Variants in LUZP2 observed in about 807,000 individuals in gnomAD.
LUZP2 encodes the protein leucine zipper protein 2.
A neutral mutation model predicts 51.6 loss-of-function variants in LUZP2; 52 were observed. That is an observed-to-expected ratio of 1.01 (90% CI 0.81 to 1.27). The LOEUF (loss-of-function observed/expected upper bound fraction) is 1.27. Among genes scored for constraint, LUZP2 ranks in the 50% most tolerant of loss-of-function variants. LUZP2 has a pLI of 0.00. For missense variants in LUZP2, 436 were observed against 395.4 expected (o/e 1.10, Z -0.87); for synonymous variants, 154 against 137.3 (o/e 1.12, Z -0.85).
chr11:24,896,163 T>C (rs1853038143), intron 5 of LUZP2, among the ~76,000 whole-genome samples: 1 of 152,248 alleles, frequency 6.6e-6, no homozygotes, highest in South Asian at 2.1e-4. Flanking sequence ...CGGTTCCTCC[T>C]CGTCCTAGGC....
intron 5 of LUZP2, among the ~76,000 whole-genome samples, chr11:24,822,964 A>G (rs549640103): frequency 3.9e-4 from 59 of 152,326 alleles, no homozygotes; most frequent in African/African-American, 1.3e-3. Context: ...GCACAAATGT[A>G]GTAATAATCA....
In LUZP2 at chr11:25,081,568, A is replaced by G. The variant is rs1565323164; in HGVS notation, c.*2910A>G. 6.6e-6 allele frequency: 1 copy of G among 152,178 alleles called. No individual in the cohort carries two copies. The highest frequency in any genetic ancestry group is 2.1e-4 in the South Asian group (1 of 4,828). 9.4% of individuals were successfully genotyped at this position (152,178 alleles called of 1,614,324 possible). A position where few individuals can be genotyped will look rare whatever the true frequency, so the allele number is the denominator to read the frequency against. On this transcript the variant is annotated 3_prime_UTR_variant, in exon 12 of 12. Transcript: ENST00000336930. The stretch of plus-strand genomic sequence containing the variant: ...TTTATCTCAATTTTTATTTGCTTCA[A>G]AATAGAATCGGATAAGTTTAAAATG...
chr11:24,663,493 G>A (rs1168219626), intron 1 of LUZP2, among the ~76,000 whole-genome samples: 1 of 152,170 alleles, frequency 6.6e-6, no homozygotes, highest in Non-Finnish European at 1.5e-5. Context: ...TTATAGCAGT[G>A]TGAGAATGAC....
intron 7 of LUZP2, among the ~76,000 whole-genome samples, chr11:24,959,297 C>A (rs543889136): frequency 2.8e-3 from 426 of 152,182 alleles, no homozygotes; most frequent in Non-Finnish European, 4.9e-3. Context: ...TGAAGAAAGT[C>A]ATTGGTAGCT....
chr11:24,778,316 G>T (rs1308416478), intron 5 of LUZP2, among the ~76,000 whole-genome samples: 2 of 152,170 alleles, frequency 1.3e-5, no homozygotes. Flanking sequence ...TTCAGAGGCT[G>T]AGGTGAAGGG....
chr11:24,537,198 A>G (rs1450935432), intron 1 of LUZP2, among the ~76,000 whole-genome samples: 8 of 151,896 alleles, frequency 5.3e-5, no homozygotes, highest in Admixed American at 2.0e-4. Flanking sequence ...GTGTGACACA[A>G]ACAGAAGTGA....
chr11:25,042,868 C>T (rs889250829), intron 9 of LUZP2, among the ~76,000 whole-genome samples: 17 of 152,228 alleles, frequency 1.1e-4, no homozygotes, highest in African/African-American at 3.6e-4. Flanking sequence ...AATCCAGGAT[C>T]CTATGGAGTG....
At chr11:24,787,234 T>A (rs1345300300) in intron 5 of LUZP2, among the ~76,000 whole-genome samples, 2 of 152,164 alleles carry the variant, frequency 1.3e-5, no homozygotes, top group Non-Finnish European at 2.9e-5. Context: ...GAAGTATCAG[T>A]TGTGTTGTGC....
intron 10 of LUZP2, among the ~76,000 whole-genome samples, chr11:25,054,377 C>T (rs1858614683): frequency 6.6e-6 from 1 of 152,046 alleles, no homozygotes; most frequent in South Asian, 2.1e-4. Context: ...TTTGATATAT[C>T]TAAAGAATTA....
At chr11:24,823,832 G>T (rs1257800505) in intron 5 of LUZP2, among the ~76,000 whole-genome samples, 3 of 152,184 alleles carry the variant, frequency 2.0e-5, no homozygotes, top group African/African-American at 7.2e-5. Context: ...GGGAGGCTGA[G>T]ACGGGTGGAT....
At chr11:24,969,541 C>T (rs1309450400) in intron 7 of LUZP2, among the ~76,000 whole-genome samples, 1 of 151,988 alleles carries the variant, frequency 6.6e-6, no homozygotes, top group Non-Finnish European at 1.5e-5. Context: ...TGAGTTTAGG[C>T]CTAAACATCT....
At chr11:24,603,950 TG>T (rs1347776638) in intron 1 of LUZP2, among the ~76,000 whole-genome samples, 1 of 151,794 alleles carries the variant, frequency 6.6e-6, no homozygotes, top group Non-Finnish European at 1.5e-5. Context: ...TCTTCAGGCC[TG>T]AGTTTTAAAA....
intron 1 of LUZP2, among the ~76,000 whole-genome samples, chr11:24,582,495 C>A (rs142672265): frequency 8.6e-5 from 13 of 151,858 alleles, no homozygotes; most frequent in African/African-American, 2.9e-4. Context: ...ATTAGACTAA[C>A]CAAAATATCT....
At chr11:24,919,524 T>C (rs1360078238) in intron 7 of LUZP2, among the ~76,000 whole-genome samples, 1 of 140,698 alleles carries the variant, frequency 7.1e-6, no homozygotes, top group Non-Finnish European at 1.5e-5. Flanking sequence ...TATATATTCT[T>C]TATATATATA....
At chr11:25,016,652 A>G (rs958041408) in intron 9 of LUZP2, among the ~76,000 whole-genome samples, 2 of 151,552 alleles carry the variant, frequency 1.3e-5, no homozygotes, top group African/African-American at 4.8e-5. Context: ...TGTGTACCAC[A>G]TTTTCTTTAT....
At chr11:24,933,144 C>G (rs1854501839) in intron 7 of LUZP2, among the ~76,000 whole-genome samples, 2 of 152,206 alleles carry the variant, frequency 1.3e-5, no homozygotes, top group African/African-American at 4.8e-5. Context: ...TTCACACTTT[C>G]ACACTTTCGG....
intron 1 of LUZP2, among the ~76,000 whole-genome samples, chr11:24,576,459 C>T (rs910464685): frequency 3.4e-5 from 5 of 148,616 alleles, no homozygotes; most frequent in Admixed American, 6.7e-5. Context: ...CTTATCAAGC[C>T]ATATTTGACA....
chr11:25,057,138 T>C (rs1248679811), intron 10 of LUZP2, among the ~76,000 whole-genome samples: 1 of 152,146 alleles, frequency 6.6e-6, no homozygotes, highest in African/African-American at 2.4e-5. Flanking sequence ...ATATTAAATA[T>C]GTCACATTCA....
intron 7 of LUZP2, among the ~76,000 whole-genome samples, chr11:24,953,022 A>G (rs1855119376): frequency 6.6e-6 from 1 of 151,954 alleles, no homozygotes; most frequent in Non-Finnish European, 1.5e-5. Flanking sequence ...AAGTGAAAAT[A>G]ACAAAAAAGT....
Sources: allele counts gnomAD v4.1 joint callset (sites outside exome capture counted in the v4.1 genomes callset), GRCh38; gene constraint gnomAD v4.1.1; transcripts MANE v1.5; gene names NCBI Gene and HGNC (gene_info 2026-07-23, HGNC 2026-07-21).